Variants in MMD observed in about 807,000 individuals in gnomAD.
The protein encoded by MMD is monocyte to macrophage differentiation associated, also known as monocyte to macrophage differentiation factor.
In MMD, 22 loss-of-function variants were observed where a neutral mutation model predicts 33.6. That is an observed-to-expected ratio of 0.66 (90% CI 0.47 to 0.94). MMD has a LOEUF of 0.94. MMD is among the 40% of genes least tolerant of loss of function. The pLI, the probability that MMD is intolerant of heterozygous loss-of-function variation, is 0.00. For synonymous variants in MMD, 97 were observed against 103.2 expected, an observed-to-expected ratio of 0.94 and a Z score of 0.36; for missense variants, 242 against 309.8, an observed-to-expected ratio of 0.78 and a Z score of 1.64.
intron 5 of MMD, 58 bp from the exon 6 acceptor site, chr17:55,401,596 T>G: frequency 1.5e-6 from 2 of 1,337,874 alleles, no homozygotes; most frequent in Non-Finnish European, 2.1e-6. Flanking sequence ...ACCTAACAAT[T>G]TACATACCAG....
At chr17:55,414,921 C>G (rs972511271) in intron 1 of MMD, among the ~76,000 whole-genome samples, 1 of 152,198 alleles carries the variant, frequency 6.6e-6, no homozygotes, top group Non-Finnish European at 1.5e-5. Context: ...CTACCTGATT[C>G]TTTTGGCTAT....
Position 55,414,248 on chromosome 17 carries a change from G to C in MMD, c.27-16C>G. 6.2e-7 allele frequency: 1 copy of C among 1,612,730 alleles called. No homozygotes were observed. Among genetic ancestry groups the C allele is most frequent in the South Asian group, 1.1e-5 (1 of 91,012 alleles). On this transcript the variant is annotated splice_polypyrimidine_tract_variant and intron_variant, in intron 1 of 6. Transcript: ENST00000262065. Reference sequence around the variant, plus strand: ...GTTCATGAACCTGTAAAAACAAAAAGAACACATGTAAGAAAAACTCAAAGT... The same window carrying C: ...GTTCATGAACCTGTAAAAACAAAAACAACACATGTAAGAAAAACTCAAAGT...
rs894167559 is a variant in MMD, at chr17:55,405,240, C to T, written c.345-1372G>A. Among the ~76,000 whole-genome samples the T allele has an allele frequency of 7.9e-5, 12 of 151,098 alleles. No individual in the cohort carries two copies. The South Asian group carries it at 1.5e-3, about 19-fold the overall frequency. ...AAAAAATTAGCTGGGCATGGTGGCA[C>T]GTGCCTGTAATCCCAGCTACTTGGA... On this transcript the variant is annotated intron_variant, in intron 4 of 6. Transcript: ENST00000262065.
At chr17:55,417,928 G>A (rs1908032543) in intron 1 of MMD, among the ~76,000 whole-genome samples, 2 of 152,212 alleles carry the variant, frequency 1.3e-5, no homozygotes, top group East Asian at 3.9e-4. Flanking sequence ...CAAGCCCTGA[G>A]TGGTCTGGGC....
chr17:55,409,259 C>G (rs1473933186), intron 3 of MMD, among the ~76,000 whole-genome samples: 1 of 152,154 alleles, frequency 6.6e-6, no homozygotes, highest in Non-Finnish European at 1.5e-5. Flanking sequence ...ACAGTGATGG[C>G]CTCCAGTTCA....
chr17:55,404,411 A>G, intron 4 of MMD: 1 of 932,874 alleles, frequency 1.1e-6, no homozygotes, highest in East Asian at 1.2e-4. Flanking sequence ...CTAAAAGCAG[A>G]CAAGTTGAAG....
In MMD at chr17:55,411,437, T is replaced by C; in HGVS notation, c.109-20A>G. 3 of 1,601,700 alleles carry C rather than the reference T, an allele frequency of 1.9e-6. No homozygotes were observed. Among genetic ancestry groups the C allele is most frequent in the South Asian group, 1.1e-5 (1 of 88,708 alleles). ...GAGGAACTGAGGGAAAGATAAAGAA[T>C]GGTGAATGGAATATTCTGGCTTTTA... is the stretch of plus-strand genomic sequence containing the variant. On this transcript the variant is annotated intron_variant, in intron 2 of 6. Coordinates refer to ENST00000262065, the MANE Select transcript of MMD (RefSeq NM_012329.3).
In MMD at chr17:55,414,148, C is replaced by A; in HGVS notation, c.108+3G>T. 1.2e-6 allele frequency: 2 copies of A among 1,613,708 alleles called. No individual in the cohort carries two copies. The highest frequency in any genetic ancestry group is 2.2e-5 in the South Asian group (2 of 91,058). On this transcript the variant is annotated splice_donor_region_variant and intron_variant, in intron 2 of 6. Coordinates refer to ENST00000262065, the MANE Select transcript of MMD (RefSeq NM_012329.3). ...ATGGCAATGGTGGAAAACTTGTACTCACTGCGTGTGTGTAACAGTTAGCAG... is the reference window on the plus strand; with the variant it reads ...ATGGCAATGGTGGAAAACTTGTACTAACTGCGTGTGTGTAACAGTTAGCAG...
chr17:55,411,514 G>C, intron 2 of MMD, 97 bp from the exon 3 acceptor site: 1 of 1,337,062 alleles, frequency 7.5e-7, no homozygotes, highest in Non-Finnish European at 1.0e-6. Flanking sequence ...AACAATTTTA[G>C]TAAAATAATC....
chr17:55,403,980 C>T (rs2143132373), intron 4 of MMD, 112 bp from the exon 5 acceptor site: 1 of 796,588 alleles, frequency 1.3e-6, no homozygotes, highest in Non-Finnish European at 2.0e-6. Context: ...GAAGAAAACA[C>T]ACTCAACACA....
chr17:55,421,496 G>C (rs1460307369), intron 1 of MMD, among the ~76,000 whole-genome samples, 174 bp downstream of exon 1: 3 of 152,360 alleles, frequency 2.0e-5, no homozygotes, highest in Middle Eastern at 3.4e-3. Context: ...TTGGAGGAAG[G>C]GGATCGCCCA....
At chr17:55,405,379 G>GA (rs10554664) in intron 4 of MMD, among the ~76,000 whole-genome samples, 257 of 114,936 alleles carry the variant, frequency 2.2e-3, no homozygotes, top group South Asian at 6.1e-3. Context: ...CCGTCTCAAA[G>GA]AAAAAAAAAA....
At chr17:55,421,581 G>C (rs1908191257) in intron 1 of MMD, 89 bp downstream of exon 1, 3 of 1,554,020 alleles carry the variant, frequency 1.9e-6, no homozygotes, top group Admixed American at 1.8e-5. Context: ...ATGAATCCAG[G>C]TGAGGAGCCG....
At chr17:55,400,083 T>C (rs993059015) in intron 6 of MMD, among the ~76,000 whole-genome samples, 8 of 152,194 alleles carry the variant, frequency 5.3e-5, no homozygotes, top group African/African-American at 1.9e-4. Context: ...TTACCATCTA[T>C]ATGTATTTTG....
chr17:55,397,677 A>G (rs1034077091), intron 6 of MMD, among the ~76,000 whole-genome samples: 3 of 151,730 alleles, frequency 2.0e-5, no homozygotes, highest in African/African-American at 7.3e-5. Context: ...AGTAGCTGGG[A>G]TTACAGGAGT....
chr17:55,416,685 A>T (rs1258237292), intron 1 of MMD, among the ~76,000 whole-genome samples: 1 of 152,220 alleles, frequency 6.6e-6, no homozygotes, highest in Non-Finnish European at 1.5e-5. Flanking sequence ...AATGTAAATC[A>T]ACTCCCACAC....
intron 6 of MMD, among the ~76,000 whole-genome samples, chr17:55,397,703 A>G (rs8071736): frequency 0.5 from 75,234 of 151,092 alleles, 20,671 homozygotes; most frequent in African/African-American, 0.74. Context: ...CATCACATTC[A>G]GCTAATTTTT....
At chr17:55,400,571 G>A (rs942514605) in intron 6 of MMD, among the ~76,000 whole-genome samples, 2 of 150,562 alleles carry the variant, frequency 1.3e-5, no homozygotes, top group South Asian at 4.2e-4. Flanking sequence ...AAAAAAAAAG[G>A]TTCTTACAAT....
At chr17:55,407,950 G>C (rs1180566205) in intron 3 of MMD, 130 bp from the exon 4 acceptor site, 2 of 611,196 alleles carry the variant, frequency 3.3e-6, no homozygotes, top group Non-Finnish European at 5.3e-6. Context: ...TTCTTCCAAG[G>C]TTACACAGAT....
Sources: gnomAD v4.1 joint callset for allele counts (sites outside exome capture counted in the v4.1 genomes callset) on GRCh38, gnomAD v4.1.1 for gene constraint, MANE v1.5 for transcripts, NCBI Gene and HGNC (gene_info 2026-07-23, HGNC 2026-07-21) for gene names.